CSMD1: variants seen among roughly 807,000 people sequenced by gnomAD.
CSMD1 encodes CUB and sushi domain-containing protein 1.
A neutral mutation model predicts 417.5 loss-of-function variants in CSMD1; 213 were observed. That is an observed-to-expected ratio of 0.51 (90% CI 0.46 to 0.57). The LOEUF (loss-of-function observed/expected upper bound fraction) is 0.57. Ranked by LOEUF, CSMD1 falls within the 20% of genes least tolerant of loss-of-function variation. CSMD1 has a pLI of 0.00. For synonymous variants in CSMD1, 2,862 were observed against 1,736.8 expected (o/e 1.65, Z -16.11); for missense variants, 6,923 against 4,529.7 (o/e 1.53, Z -15.17).
intron 3 of CSMD1, among the ~76,000 whole-genome samples, chr8:4,081,427 T>C (rs1800126134): frequency 6.6e-6 from 1 of 152,082 alleles, no homozygotes; most frequent in South Asian, 2.1e-4. Flanking sequence ...CCTTTTTGCC[T>C]TGGATCACAC....
At chr8:4,244,348 G>T (rs896934951) in intron 3 of CSMD1, among the ~76,000 whole-genome samples, 2 of 152,110 alleles carry the variant, frequency 1.3e-5, no homozygotes, top group Non-Finnish European at 2.9e-5. Context: ...CAAGAACTGG[G>T]ATTTTAATAG....
At chr8:3,928,953 T>C (rs1809943539) in intron 5 of CSMD1, among the ~76,000 whole-genome samples, 1 of 150,516 alleles carries the variant, frequency 6.6e-6, no homozygotes. Flanking sequence ...AAATGAATGC[T>C]GTGGTTTTGT....
intron 3 of CSMD1, among the ~76,000 whole-genome samples, chr8:4,036,306 T>C (rs907076410): frequency 1.3e-5 from 2 of 151,156 alleles, no homozygotes; most frequent in African/African-American, 2.4e-5. Context: ...CCTCCCACTT[T>C]ATCATCTACA....
chr8:4,020,543 G>A (rs1796738527), intron 4 of CSMD1, among the ~76,000 whole-genome samples: 3 of 152,166 alleles, frequency 2.0e-5, no homozygotes, highest in Admixed American at 2.0e-4. Flanking sequence ...TCTCAGATAA[G>A]AAGAATACAT....
At chr8:3,989,577 G>T (rs933247212) in intron 5 of CSMD1, among the ~76,000 whole-genome samples, 1 of 151,968 alleles carries the variant, frequency 6.6e-6, no homozygotes, top group Non-Finnish European at 1.5e-5. Context: ...AACAAGAAAG[G>T]GATTGCATTA....
At chr8:3,996,940 G>A (rs1227908373) in intron 5 of CSMD1, among the ~76,000 whole-genome samples, 1 of 152,110 alleles carries the variant, frequency 6.6e-6, no homozygotes, top group African/African-American at 2.4e-5. Flanking sequence ...ATGTTTGTCT[G>A]GTAGCCTTCA....
chr8:4,543,893 G>C (rs559774358), intron 2 of CSMD1, among the ~76,000 whole-genome samples: 26 of 152,266 alleles, frequency 1.7e-4, no homozygotes, highest in African/African-American at 6.0e-4. Flanking sequence ...AAGATGTGGA[G>C]CGCCTTTTCA....
In CSMD1 at chr8:4,433,903, C is replaced by A. The variant is rs558637277; in HGVS notation, c.303-13838G>T. ...ATTTCTTTGACAATCCTACAAAAGT[C>A]AGGATAAGAACACAGCAAAAAAGGG... On this transcript the variant is annotated intron_variant, in intron 2 of 69. Transcript: ENST00000635120. 2.0e-4 allele frequency among the ~76,000 whole-genome samples: 31 copies of A among 152,188 alleles called. No homozygotes were observed. The South Asian group carries it at 2.9e-3, about 14-fold the overall frequency.
intron 5 of CSMD1, among the ~76,000 whole-genome samples, chr8:3,902,534 C>A (rs1239057062): frequency 6.6e-6 from 1 of 152,096 alleles, no homozygotes; most frequent in Admixed American, 6.5e-5. Flanking sequence ...TAGATTCTCA[C>A]AAGGAGCTCA....
At chr8:3,558,653 T>C (rs985412439) in intron 10 of CSMD1, among the ~76,000 whole-genome samples, 4 of 149,392 alleles carry the variant, frequency 2.7e-5, no homozygotes, top group East Asian at 2.0e-4. Flanking sequence ...CCGTGTCCAC[T>C]CCTCCAATGA....
At chr8:3,328,526 C>A (rs994948728) in intron 23 of CSMD1, among the ~76,000 whole-genome samples, 1 of 152,202 alleles carries the variant, frequency 6.6e-6, no homozygotes, top group African/African-American at 2.4e-5. Flanking sequence ...ATATGATCTT[C>A]GGCCTAAAAT....
chr8:4,210,149 T>A (rs541488055), intron 3 of CSMD1, among the ~76,000 whole-genome samples: 1 of 152,352 alleles, frequency 6.6e-6, no homozygotes, highest in Admixed American at 6.5e-5. Context: ...CTCCTGTCAC[T>A]GTGTGTCAAA....
At chr8:4,726,677 C>T (rs1258003217) in intron 1 of CSMD1, among the ~76,000 whole-genome samples, 2 of 152,196 alleles carry the variant, frequency 1.3e-5, no homozygotes, top group Non-Finnish European at 2.9e-5. Flanking sequence ...TGCTCTGCTG[C>T]TGTCCTATTT....
intron 5 of CSMD1, among the ~76,000 whole-genome samples, chr8:3,924,515 T>A (rs1809501931): frequency 6.6e-6 from 1 of 152,186 alleles, no homozygotes; most frequent in African/African-American, 2.4e-5. Context: ...CTTGATGGTT[T>A]CCCAGAAGCT....
At chr8:3,944,142 G>C (rs1170417388) in intron 5 of CSMD1, among the ~76,000 whole-genome samples, 2 of 152,076 alleles carry the variant, frequency 1.3e-5, no homozygotes, top group African/African-American at 4.8e-5. Flanking sequence ...CTTAGTGAAG[G>C]CTACACAGAA....
chr8:4,906,067 C>A (rs1415180915), intron 1 of CSMD1, among the ~76,000 whole-genome samples: 1 of 151,814 alleles, frequency 6.6e-6, no homozygotes, highest in Non-Finnish European at 1.5e-5. Context: ...ACTTTCAGAC[C>A]CTCTCACCTC....
chr8:4,134,056 T>A (rs1344406969), intron 3 of CSMD1, among the ~76,000 whole-genome samples: 5 of 152,234 alleles, frequency 3.3e-5, no homozygotes, highest in Non-Finnish European at 5.9e-5. Flanking sequence ...TAGCTATTAA[T>A]AAAGATTAAT....
At chr8:4,955,107 G>C (rs1048920219) in intron 1 of CSMD1, among the ~76,000 whole-genome samples, 5 of 152,070 alleles carry the variant, frequency 3.3e-5, no homozygotes, top group African/African-American at 1.2e-4. Context: ...TCACAGAAAT[G>C]GCTTTAAATG....
In CSMD1 at chr8:3,869,778, T is replaced by A. The variant is rs530440045; in HGVS notation, c.819-115736A>T. On this transcript the variant is annotated intron_variant, in intron 5 of 69. Coordinates refer to ENST00000635120, the MANE Select transcript of CSMD1 (RefSeq NM_033225.6). ...GCAACACGGGGCCAGGGGTTTGATG[T>A]CAGGGAAGGCAAGATGGGAGCTTGC... 1.2e-4 allele frequency among the ~76,000 whole-genome samples: 18 copies of A among 152,182 alleles called. No homozygotes were observed. In the South Asian group the frequency reaches 1.2e-3, roughly 11 times the overall value.
Sources: gnomAD v4.1 joint callset for allele counts (sites outside exome capture counted in the v4.1 genomes callset) on GRCh38, gnomAD v4.1.1 for gene constraint, MANE v1.5 for transcripts, NCBI Gene and HGNC (gene_info 2026-07-23, HGNC 2026-07-21) for gene names.